LINGO2: variants seen among roughly 807,000 people sequenced by gnomAD.
LINGO2 encodes the protein leucine rich repeat and Ig domain containing 2.
In LINGO2, 14 loss-of-function variants were observed where a neutral mutation model predicts 30.6. The ratio of observed to expected loss-of-function variants is 0.46; its 90% CI spans 0.30 to 0.72. The LOEUF (loss-of-function observed/expected upper bound fraction) is 0.72. Ranked by LOEUF, LINGO2 falls within the 30% of genes least tolerant of loss-of-function variation. The pLI is 0.07. For missense variants in LINGO2, 729 were observed against 751.7 expected (o/e 0.97, Z 0.35); for synonymous variants, 317 against 288.5 (o/e 1.10, Z -1.00).
intron 2 of LINGO2, among the ~76,000 whole-genome samples, chr9:28,474,363 A>G (rs1665691417): frequency 6.6e-6 from 1 of 151,612 alleles, no homozygotes; most frequent in Admixed American, 6.6e-5. Flanking sequence ...TCCTAAATAC[A>G]GCTTAACTTA....
chr9:28,096,937 A>C (rs982958849), intron 4 of LINGO2, among the ~76,000 whole-genome samples: 2 of 152,172 alleles, frequency 1.3e-5, no homozygotes, highest in Non-Finnish European at 2.9e-5. Flanking sequence ...CTGTATGTAC[A>C]TTAAAGCACA....
the LINGO2 span, among the ~76,000 whole-genome samples, chr9:29,134,757 C>G: frequency 6.6e-6 from 1 of 151,954 alleles, no homozygotes; most frequent in African/African-American, 2.4e-5. Context: ...TGGTTTATAA[C>G]ACTGAGGAAT....
chr9:28,319,480 T>C (rs1246169395), intron 3 of LINGO2, among the ~76,000 whole-genome samples: 1 of 151,708 alleles, frequency 6.6e-6, no homozygotes, highest in East Asian at 1.9e-4. Context: ...AAGAGATTTA[T>C]AAGTTTCAGG....
the LINGO2 span, among the ~76,000 whole-genome samples, chr9:29,103,827 T>A: frequency 6.6e-6 from 1 of 152,120 alleles, no homozygotes; most frequent in Admixed American, 6.5e-5. Context: ...CAATACCACA[T>A]TAACACCAAA....
At chr9:29,054,128 A>T in the LINGO2 span, among the ~76,000 whole-genome samples, 1 of 152,104 alleles carries the variant, frequency 6.6e-6, no homozygotes, top group African/African-American at 2.4e-5. Flanking sequence ...TAATGAGCTA[A>T]AAATTTGTTA....
At chr9:28,034,289 C>T (rs1197930) in intron 4 of LINGO2, among the ~76,000 whole-genome samples, 150,877 of 152,322 alleles carry the variant, frequency 0.99, 74,743 homozygotes, top group Middle Eastern at 1. Flanking sequence ...AGAAGAAAGC[C>T]GATTATTTCA....
chr9:29,207,247 C>T, the LINGO2 span, among the ~76,000 whole-genome samples: 1 of 151,984 alleles, frequency 6.6e-6, no homozygotes, highest in African/African-American at 2.4e-5. Context: ...AAGGCACTTT[C>T]CTTTTGAAAA....
the LINGO2 span, among the ~76,000 whole-genome samples, chr9:29,069,337 C>T: frequency 6.6e-6 from 1 of 151,814 alleles, no homozygotes; most frequent in African/African-American, 2.4e-5. Flanking sequence ...AGATATAATA[C>T]TCAAAATGGA....
chr9:27,994,058 G>T (rs1449557963), intron 5 of LINGO2, among the ~76,000 whole-genome samples: 1 of 151,924 alleles, frequency 6.6e-6, no homozygotes, highest in Non-Finnish European at 1.5e-5. Context: ...TGACCAATGA[G>T]TCAATAAAGA....
the LINGO2 span, among the ~76,000 whole-genome samples, chr9:29,023,701 T>C: frequency 3.9e-5 from 6 of 152,114 alleles, no homozygotes; most frequent in Non-Finnish European, 7.4e-5. Context: ...AATATTTACA[T>C]GGCTTAAGTT....
intron 4 of LINGO2, among the ~76,000 whole-genome samples, chr9:28,059,500 C>T (rs563608889): frequency 2.0e-5 from 3 of 152,214 alleles, no homozygotes; most frequent in Non-Finnish European, 4.4e-5. Flanking sequence ...TGTGCCTTCC[C>T]TTGCCAAAAA....
the LINGO2 span, among the ~76,000 whole-genome samples, chr9:28,726,296 T>C: frequency 5.9e-5 from 9 of 152,136 alleles, no homozygotes; most frequent in Admixed American, 2.6e-4. Flanking sequence ...TTAGTGTTAA[T>C]ATAATCAAGA....
chr9:27,971,268 C>G (rs974830544), intron 5 of LINGO2, among the ~76,000 whole-genome samples: 2 of 150,276 alleles, frequency 1.3e-5, no homozygotes, highest in African/African-American at 4.9e-5. Context: ...CTGTTTTTTT[C>G]TTATTATGCC....
chr9:28,323,427 C>T (rs1162122458), intron 3 of LINGO2, among the ~76,000 whole-genome samples: 1 of 152,080 alleles, frequency 6.6e-6, no homozygotes, highest in African/African-American at 2.4e-5. Flanking sequence ...TGGTGAAATG[C>T]CACCTCTACT....
the LINGO2 span, among the ~76,000 whole-genome samples, chr9:28,696,613 A>G: frequency 1.3e-5 from 2 of 151,846 alleles, no homozygotes; most frequent in East Asian, 3.9e-4. Context: ...ACTCTAAAAG[A>G]AAAGTAAGCC....
chr9:28,550,751 C>T (rs978766045), intron 1 of LINGO2, among the ~76,000 whole-genome samples: 1 of 151,634 alleles, frequency 6.6e-6, no homozygotes, highest in Non-Finnish European at 1.5e-5. Context: ...AATAGATGAA[C>T]TAAAGCTACA....
chr9:28,263,352 T>G (rs1394216716), intron 4 of LINGO2, among the ~76,000 whole-genome samples: 2 of 151,938 alleles, frequency 1.3e-5, no homozygotes, highest in East Asian at 1.9e-4. Flanking sequence ...GTGCAATTAC[T>G]CCACTCTTTC....
At chr9:27,971,737 C>T (rs1337955781) in intron 5 of LINGO2, among the ~76,000 whole-genome samples, 4 of 152,044 alleles carry the variant, frequency 2.6e-5, no homozygotes, top group African/African-American at 9.7e-5. Context: ...AATCATTAGC[C>T]CTTTAATCAA....
the LINGO2 span, among the ~76,000 whole-genome samples, chr9:28,727,772 T>C: frequency 6.6e-6 from 1 of 152,112 alleles, no homozygotes; most frequent in Admixed American, 6.5e-5. Flanking sequence ...CTTCACTAAT[T>C]AAACATTAGA....
Sources: allele counts gnomAD v4.1 joint callset (sites outside exome capture counted in the v4.1 genomes callset), GRCh38; gene constraint gnomAD v4.1.1; transcripts MANE v1.5; gene names NCBI Gene and HGNC (gene_info 2026-07-23, HGNC 2026-07-21).